Variants in TEX2 observed in about 807,000 individuals in gnomAD.
The protein encoded by TEX2 is testis expressed 2.
Under a neutral mutation model 106.9 loss-of-function variants are expected in TEX2, and 53 were observed. The ratio of observed to expected loss-of-function variants is 0.50; its 90% CI spans 0.40 to 0.62. The LOEUF is 0.62. TEX2 is among the 20% of genes least tolerant of loss of function. TEX2 has a pLI of 0.00. For synonymous variants in TEX2, 523 were observed against 534.8 expected (o/e 0.98, Z 0.30); for missense variants, 1,207 against 1,379.0 (o/e 0.88, Z 1.98).
At chr17:64,211,689 C>T (rs537841255) in intron 2 of TEX2, among the ~76,000 whole-genome samples, 55 of 151,870 alleles carry the variant, frequency 3.6e-4, no homozygotes, top group African/African-American at 1.1e-3. Context: ...AAACATTCAT[C>T]GATTTTGGTA....
Position 64,148,382 on chromosome 17 carries a change from T to G in TEX2, c.*587A>C, listed in dbSNP as rs965961086. Reference sequence around the variant, plus strand: ...ACTGTCCTTACCCAAGCTGATAGCGTGTTGTGTGTGTACTATGGCTACTTG... The same window carrying G: ...ACTGTCCTTACCCAAGCTGATAGCGGGTTGTGTGTGTACTATGGCTACTTG... On this transcript the variant is annotated 3_prime_UTR_variant, in exon 12 of 12. Coordinates refer to ENST00000584379, the MANE Select transcript of TEX2 (RefSeq NM_001288732.2). 6.5e-6 allele frequency: 1 copy of G among 152,860 alleles called. No homozygotes were observed. The highest frequency in any genetic ancestry group is 1.5e-5 in the Non-Finnish European group (1 of 68,244). The allele number at this position is 152,860 out of a possible 1,614,324, so 9.5% of individuals were successfully genotyped here.
intron 1 of TEX2, 27 bp downstream of exon 1, chr17:64,263,141 C>T (rs1335437852): frequency 1.3e-5 from 2 of 152,448 alleles, no homozygotes; most frequent in African/African-American, 4.8e-5. Context: ...CCCTCCACCG[C>T]CCCCGCCTGG....
At chr17:64,203,699 G>A (rs2032741893) in intron 2 of TEX2, among the ~76,000 whole-genome samples, 2 of 152,122 alleles carry the variant, frequency 1.3e-5, no homozygotes, top group Admixed American at 1.3e-4. Context: ...TAAGCAGGGA[G>A]TCAACATTCA....
At chr17:64,203,194 C>A (rs1191725399) in intron 2 of TEX2, among the ~76,000 whole-genome samples, 2 of 152,200 alleles carry the variant, frequency 1.3e-5, no homozygotes, top group Non-Finnish European at 2.9e-5. Context: ...AGCCCTATAG[C>A]CCGAGGAAGT....
rs1423158212 is a variant in TEX2 at position 64,225,578 on chromosome 17, C to A, written c.-25-11336G>T. On this transcript the variant is annotated intron_variant, in intron 1 of 11. Transcript: ENST00000584379. ...GTAGGCTCTTGAGAAATCTGAAAAC[C>A]AGGAGTAAGCATTTTTCTTCAGAGG... Among the ~76,000 whole-genome samples the A allele has an allele frequency of 1.1e-3, 161 of 152,106 alleles. 1 individual carries two copies. Among genetic ancestry groups the A allele is most frequent in the Non-Finnish European group, 2.8e-4 (19 of 68,036 alleles).
chr17:64,204,326 ACAG>A (rs2032762935), intron 2 of TEX2, among the ~76,000 whole-genome samples: 1 of 152,230 alleles, frequency 6.6e-6, no homozygotes, highest in Admixed American at 6.5e-5. Flanking sequence ...TTCCAGTATG[ACAG>A]CTTTGTACTA....
In TEX2 at chr17:64,148,322, ATC is replaced by A. The variant is rs1421377998; in HGVS notation, c.*645_*646del. On this transcript the variant is annotated 3_prime_UTR_variant, in exon 12 of 12. Coordinates refer to ENST00000584379, the MANE Select transcript of TEX2 (RefSeq NM_001288732.2). ...TTGGTGAAAGGCTTGGGATGGTTTG[ATC>A]TCATGGCTTTGCCTGATGTTCACAT... 6.6e-6 allele frequency: 1 copy of A among 152,644 alleles called. No individual in the cohort carries two copies. The highest frequency in any genetic ancestry group is 2.4e-5 in the African/African-American group (1 of 41,420). 9.5% of individuals were successfully genotyped at this position (152,644 alleles called of 1,614,324 possible). A position where few individuals can be genotyped will look rare whatever the true frequency, so the allele number is the denominator to read the frequency against.
At position 64,162,673 on chromosome 17, in the gene TEX2, C is replaced by T. The variant is rs576853267; in HGVS notation, c.2672-1740G>A. Among the ~76,000 whole-genome samples the T allele has an allele frequency of 2.8e-4, 42 of 152,300 alleles. 1 individual carries two copies. In the South Asian group the frequency reaches 8.1e-3, roughly 29 times the overall value. On this transcript the variant is annotated intron_variant, in intron 7 of 11. Coordinates refer to ENST00000584379, the MANE Select transcript of TEX2 (RefSeq NM_001288732.2). ...TTCTACCAAATGATGTGTGGTCCAG[C>T]GTCCCTGCCAGGAGCTGGGAGGTGG... is the stretch of plus-strand genomic sequence containing the variant.
chr17:64,239,129 T>C (rs1310070933), intron 1 of TEX2: 1 of 152,072 alleles, frequency 6.6e-6, no homozygotes, highest in African/African-American at 2.4e-5. Context: ...GAAACAGAAA[T>C]CAAACATGTC....
intron 1 of TEX2, among the ~76,000 whole-genome samples, chr17:64,249,913 T>C (rs782675320): frequency 8.5e-5 from 13 of 152,198 alleles, no homozygotes; most frequent in Non-Finnish European, 1.6e-4. Flanking sequence ...GCTTCACTAT[T>C]AACCTACCCC....
chr17:64,229,104 G>A (rs114109318), intron 1 of TEX2, among the ~76,000 whole-genome samples: 4,820 of 152,194 alleles, frequency 0.032, 126 homozygotes, highest in South Asian at 0.1. Flanking sequence ...TAAATCTTGT[G>A]CAAAAAGAAA....
intron 5 of TEX2, among the ~76,000 whole-genome samples, chr17:64,181,025 C>G (rs2031833312): frequency 6.6e-6 from 1 of 152,176 alleles, no homozygotes; most frequent in South Asian, 2.1e-4. Context: ...GTGTTTCTTT[C>G]CCTTGATTAT....
chr17:64,187,674 C>T (rs1458763355), intron 5 of TEX2, among the ~76,000 whole-genome samples: 2 of 152,124 alleles, frequency 1.3e-5, no homozygotes, highest in Non-Finnish European at 2.9e-5. Context: ...GCTCACTGTC[C>T]GGCCAGGCCT....
chr17:64,155,037 A>T, intron 8 of TEX2, 70 bp from the exon 9 acceptor site: 1 of 1,442,252 alleles, frequency 6.9e-7, no homozygotes, highest in Non-Finnish European at 9.1e-7. Flanking sequence ...GAACACACAC[A>T]CCCATGCACA....
chr17:64,216,540 G>A (rs868916481), intron 1 of TEX2, among the ~76,000 whole-genome samples: 2 of 152,130 alleles, frequency 1.3e-5, no homozygotes, highest in Admixed American at 6.5e-5. Flanking sequence ...AGAGTGAATC[G>A]GTCCTTCAGG....
chr17:64,178,232 G>A (rs2031693691), intron 5 of TEX2, among the ~76,000 whole-genome samples: 1 of 152,184 alleles, frequency 6.6e-6, no homozygotes, highest in African/African-American at 2.4e-5. Flanking sequence ...GTAAACCCAA[G>A]TCTCCGATTT....
chr17:64,191,679 G>A (rs543578270), intron 4 of TEX2, among the ~76,000 whole-genome samples: 12 of 151,918 alleles, frequency 7.9e-5, no homozygotes, highest in African/African-American at 2.9e-4. Context: ...TTAGCTGGGC[G>A]TGATGGCGGG....
At chr17:64,248,514 G>A (rs2034031507) in intron 1 of TEX2, among the ~76,000 whole-genome samples, 2 of 152,214 alleles carry the variant, frequency 1.3e-5, no homozygotes. Flanking sequence ...GCTGAATGCT[G>A]AAGGGATCAC....
rs145157253 is a variant in TEX2, at chr17:64,197,610, C to T, written c.1645-2515G>A. Among the ~76,000 whole-genome samples, 16 of 152,238 alleles carry T rather than the reference C, an allele frequency of 1.1e-4. No individual in the cohort carries two copies. In the East Asian group the frequency reaches 3.1e-3, roughly 29 times the overall value. On this transcript the variant is annotated intron_variant, in intron 2 of 11. Coordinates refer to ENST00000584379, the MANE Select transcript of TEX2 (RefSeq NM_001288732.2). Reference sequence around the variant, plus strand: ...GTCTTTCTCTGTCATCCTGGCTGTACTGCAGTGGCACAATCATAACTTACT... The same window carrying T: ...GTCTTTCTCTGTCATCCTGGCTGTATTGCAGTGGCACAATCATAACTTACT...
Sources: gnomAD v4.1 joint callset for allele counts (sites outside exome capture counted in the v4.1 genomes callset) on GRCh38, gnomAD v4.1.1 for gene constraint, MANE v1.5 for transcripts, NCBI Gene and HGNC (gene_info 2026-07-23, HGNC 2026-07-21) for gene names.